The following MACROD2 variants were observed in gnomAD, a reference collection of about 807,000 sequenced individuals.
MACROD2 encodes mono-ADP ribosylhydrolase 2, also known as ADP-ribose glycohydrolase MACROD2.
A neutral mutation model predicts 70.4 loss-of-function variants in MACROD2; 36 were observed. The observed-to-expected ratio is 0.51, with a 90% CI of 0.39 to 0.68. MACROD2 has a LOEUF of 0.68. Ranked by LOEUF, MACROD2 falls within the 30% of genes least tolerant of loss-of-function variation. The pLI, the probability that MACROD2 is intolerant of heterozygous loss-of-function variation, is 0.00. For synonymous variants in MACROD2, 172 were observed against 178.8 expected (o/e 0.96, Z 0.30); for missense variants, 496 against 538.4 (o/e 0.92, Z 0.78).
intron 5 of MACROD2, among the ~76,000 whole-genome samples, chr20:14,927,569 A>G (rs1247470940): frequency 6.6e-6 from 1 of 152,194 alleles, no homozygotes; most frequent in Non-Finnish European, 1.5e-5. Flanking sequence ...CACCTTCAAC[A>G]TTCACACATT....
intron 3 of MACROD2, among the ~76,000 whole-genome samples, chr20:14,375,243 G>A (rs2122758167): frequency 6.6e-6 from 1 of 152,108 alleles, no homozygotes; most frequent in African/African-American, 2.4e-5. Flanking sequence ...TATTAAGTGA[G>A]GTGAAATTGC....
Position 14,098,320 on chromosome 20 carries a change from A to G in MACROD2, c.271+12592A>G, listed in dbSNP as rs116044548. ...AATTGCATTTAGGACAAGTTGTCCA[A>G]TTCTGAAGTTTTATAATAAAAGCCA... On this transcript the variant is annotated intron_variant, in intron 3 of 17. Coordinates refer to ENST00000684519, the MANE Select transcript of MACROD2 (RefSeq NM_001351661.2). Among the ~76,000 whole-genome samples the G allele has an allele frequency of 3.2e-3, 480 of 152,348 alleles. 2 individuals carry two copies. Among genetic ancestry groups the G allele is most frequent in the African/African-American group, 0.011 (454 of 41,576 alleles).
intron 5 of MACROD2, among the ~76,000 whole-genome samples, chr20:14,692,929 A>G (rs1324649276): frequency 1.3e-5 from 2 of 152,218 alleles, no homozygotes; most frequent in Non-Finnish European, 2.9e-5. Flanking sequence ...GTTGTCTTTT[A>G]AAAAATATCT....
At chr20:14,099,743 C>T (rs1479576480) in intron 3 of MACROD2, among the ~76,000 whole-genome samples, 1 of 152,086 alleles carries the variant, frequency 6.6e-6, no homozygotes, top group African/African-American at 2.4e-5. Context: ...GCATAGGACA[C>T]TGTTGTGTGG....
chr20:14,782,849 G>A (rs369288820), intron 5 of MACROD2, among the ~76,000 whole-genome samples: 39 of 152,136 alleles, frequency 2.6e-4, no homozygotes, highest in African/African-American at 3.4e-4. Flanking sequence ...AGAACATGCC[G>A]CATTACAGGT....
chr20:15,233,983 T>TA lies in MACROD2; in HGVS notation c.540+3922_540+3923insA, dbSNP rs2076984620. Among the ~76,000 whole-genome samples the TA allele has an allele frequency of 1.4e-3, 61 of 44,002 alleles. 1 individual carries two copies. Among genetic ancestry groups the TA allele is most frequent in the South Asian group, 5.7e-3 (6 of 1,060 alleles). 28.9% of individuals were successfully genotyped at this position (44,002 alleles called of 152,430 possible). On this transcript the variant is annotated intron_variant, in intron 6 of 17. Transcript: ENST00000684519. ...AAAATTTATTTTTATATATATTTAT[T>TA]TATATATATATATATATATATATAT...
chr20:15,344,061 G>A (rs1039533323), intron 6 of MACROD2, among the ~76,000 whole-genome samples: 7 of 152,174 alleles, frequency 4.6e-5, no homozygotes, highest in African/African-American at 1.7e-4. Context: ...GTTGAGGTAT[G>A]CACAGTTCAA....
intron 5 of MACROD2, among the ~76,000 whole-genome samples, chr20:15,208,936 G>A (rs888327945): frequency 1.3e-5 from 2 of 152,118 alleles, no homozygotes; most frequent in African/African-American, 4.8e-5. Flanking sequence ...AGGACAGGAA[G>A]TGCCTCGGTA....
chr20:15,987,010 T>A lies in MACROD2; in HGVS notation c.1061-56T>A, dbSNP rs919364687. 22 of 1,430,626 alleles carry A rather than the reference T, an allele frequency of 1.5e-5. No individual in the cohort carries two copies. In the African/African-American group the frequency reaches 3.2e-4, roughly 21 times the overall value. The allele number at this position is 1,430,626 out of a possible 1,614,324, so 88.6% of individuals were successfully genotyped here. ...TTTCTATACCATAGTCACAGTATTC[T>A]CTCAATGATTCCAACTAAAACAACC... On this transcript the variant is annotated intron_variant, in intron 14 of 17. Transcript: ENST00000684519.
At chr20:14,590,846 T>C (rs1600424968) in intron 4 of MACROD2, among the ~76,000 whole-genome samples, 1 of 152,150 alleles carries the variant, frequency 6.6e-6, no homozygotes, top group Non-Finnish European at 1.5e-5. Flanking sequence ...ATTACTGAGA[T>C]AGTTTAAGTT....
chr20:14,595,296 A>G (rs112759007), intron 4 of MACROD2, among the ~76,000 whole-genome samples: 1,752 of 152,250 alleles, frequency 0.012, 12 homozygotes, highest in Non-Finnish European at 0.019. Context: ...ACGAAAAGGA[A>G]AAAAATACAC....
intron 5 of MACROD2, among the ~76,000 whole-genome samples, chr20:14,885,713 C>A (rs1013979589): frequency 6.6e-6 from 1 of 152,162 alleles, no homozygotes; most frequent in African/African-American, 2.4e-5. Context: ...TTACCAAAAT[C>A]TTGATGTACT....
chr20:14,082,928 G>C (rs2054018441), intron 2 of MACROD2, among the ~76,000 whole-genome samples: 1 of 152,082 alleles, frequency 6.6e-6, no homozygotes, highest in East Asian at 1.9e-4. Flanking sequence ...AGGACTTGTG[G>C]CTCAGAGTCC....
chr20:14,809,748 G>T (rs2072686141), intron 5 of MACROD2, among the ~76,000 whole-genome samples: 1 of 151,820 alleles, frequency 6.6e-6, no homozygotes, highest in Non-Finnish European at 1.5e-5. Context: ...ACAATAAAGG[G>T]GATATCACCA....
intron 2 of MACROD2, among the ~76,000 whole-genome samples, chr20:14,013,367 G>A (rs1375613010): frequency 6.7e-6 from 1 of 150,320 alleles, no homozygotes; most frequent in African/African-American, 2.4e-5. Flanking sequence ...CCGCCTCCCA[G>A]GTTCATGCCA....
At chr20:15,809,049 C>G (rs1200142120) in intron 8 of MACROD2, among the ~76,000 whole-genome samples, 2 of 152,226 alleles carry the variant, frequency 1.3e-5, no homozygotes, top group African/African-American at 2.4e-5. Context: ...AACTATCACT[C>G]TTATCCAGAT....
intron 4 of MACROD2, among the ~76,000 whole-genome samples, chr20:14,606,049 G>A (rs1337920066): frequency 6.6e-6 from 1 of 152,036 alleles, no homozygotes; most frequent in Non-Finnish European, 1.5e-5. Flanking sequence ...TACCCTATGT[G>A]TAAAGAATTT....
Position 13,995,757 on chromosome 20 carries a change from C to T in MACROD2, c.-7C>T. 6.2e-7 allele frequency: 1 copy of T among 1,610,062 alleles called. No individual in the cohort carries two copies. The highest frequency in any genetic ancestry group is 1.3e-5 in the African/African-American group (1 of 74,782). The stretch of plus-strand genomic sequence containing the variant: ...TGCAGCTTAAAGCCAGCCACCCCCA[C>T]GGCAACATGTACCCCAGCAACAAGA... On this transcript the variant is annotated 5_prime_UTR_variant, in exon 1 of 18. In the 5' UTR this introduces an upstream ATG that the reference lacks. Coordinates refer to ENST00000684519, the MANE Select transcript of MACROD2 (RefSeq NM_001351661.2). The surrounding 1 kb of genome is among the most constrained non-coding windows in gnomAD (Gnocchi z 4.3).
At chr20:15,264,861 G>GAGAAGAGAGAA in intron 6 of MACROD2, among the ~76,000 whole-genome samples, 1 of 152,146 alleles carries the variant, frequency 6.6e-6, no homozygotes, top group African/African-American at 2.4e-5. Context: ...AAAGAGGATA[G>GAGAAGAGAGAA]TGAGATGGAC....
Sources: allele counts gnomAD v4.1 joint callset (sites outside exome capture counted in the v4.1 genomes callset), GRCh38; gene constraint gnomAD v4.1.1; non-coding constraint Gnocchi (gnomAD v3.1); transcripts MANE v1.5; gene names NCBI Gene and HGNC (gene_info 2026-07-23, HGNC 2026-07-21).